SV2A: variants seen among roughly 807,000 people sequenced by gnomAD.
The protein encoded by SV2A is synaptic vesicle glycoprotein 2A, also known as solute carrier family 22 member B1.
A neutral mutation model predicts 78.0 loss-of-function variants in SV2A; 25 were observed. That is an observed-to-expected ratio of 0.32 (90% CI 0.23 to 0.45). The LOEUF is 0.45. Ranked by LOEUF, SV2A falls within the 20% of genes least tolerant of loss-of-function variation. The pLI is 1.00. For synonymous variants in SV2A, 355 were observed against 384.7 expected, an observed-to-expected ratio of 0.92 and a Z score of 0.90; for missense variants, 752 against 971.5, an observed-to-expected ratio of 0.77 and a Z score of 3.00.
intron 8 of SV2A, among the ~76,000 whole-genome samples, chr1:149,908,944 A>G (rs913977322): frequency 4.0e-5 from 6 of 151,898 alleles, no homozygotes; most frequent in African/African-American, 1.5e-4. Context: ...CAAAACATAA[A>G]CTCCAGGAGG....
At chr1:149,909,098 C>T (rs35002905) in intron 8 of SV2A, 94 bp downstream of exon 8, 134,685 of 1,252,758 alleles carry the variant, frequency 0.11, 8,152 homozygotes, top group South Asian at 0.18. Context: ...CTTCCCTCAT[C>T]GCTTGTCCCC....
In SV2A at chr1:149,913,641, C is replaced by T. The variant is rs782641312; in HGVS notation, c.200G>A (p.Arg67Gln). 1.1e-5 allele frequency: 18 copies of T among 1,614,002 alleles called. No homozygotes were observed. Among genetic ancestry groups the T allele is most frequent in the Non-Finnish European group, 1.4e-5 (17 of 1,180,040 alleles). The part of the protein sequence containing the change: ...DFPAPSDGYY[R>Q]GEGTQDEEEG... ...CTCCTCATCCTGGGTCCCTTCTCCT[C>T]GGTAATAACCATCACTGGGAGCAGG... The change falls in exon 2 of 13, where the codon CGA (arginine) becomes CAA (glutamine). Residue 67 changes from arginine to glutamine, a missense_variant. Arg to Gln is a conservative substitution (Grantham distance 43). Around this residue, in one of 7 missense-constraint regions of SV2A, gnomAD observed 291 missense variants for 359.5 expected, o/e 0.81. Transcript: ENST00000369146.
rs587598579 is a variant in SV2A at position 149,904,852 on chromosome 1, G to C, written c.*162C>G. The C allele has an allele frequency of 4.2e-5, 32 of 755,720 alleles. No homozygotes were observed. The African/African-American group carries it at 4.6e-4, about 11-fold the overall frequency. 46.8% of individuals were successfully genotyped at this position (755,720 alleles called of 1,614,324 possible). A position where few individuals can be genotyped will look rare whatever the true frequency, so the allele number is the denominator to read the frequency against. On this transcript the variant is annotated 3_prime_UTR_variant, in exon 13 of 13. Transcript: ENST00000369146. ...CCTTCCCTGTAGTCCCTGCCCACGG[G>C]GTTTACACACATGCACACGCACACG... is the stretch of plus-strand genomic sequence containing the variant.
At position 149,906,871 on chromosome 1, in the gene SV2A, C is replaced by A. The variant is rs587774077; in HGVS notation, c.1679-15G>T. Reference sequence around the variant, plus strand: ...CTCGAACAGGTCTGTGGGCAAAGGCCAAGATAAGCAGGCAGTCATAGCAGA... The same window carrying A: ...CTCGAACAGGTCTGTGGGCAAAGGCAAAGATAAGCAGGCAGTCATAGCAGA... On this transcript the variant is annotated splice_polypyrimidine_tract_variant and intron_variant, in intron 10 of 12. Transcript: ENST00000369146. 95 of 1,613,882 alleles carry A rather than the reference C, an allele frequency of 5.9e-5. No homozygotes were observed. Among genetic ancestry groups the A allele is most frequent in the Admixed American group, 4.8e-4 (29 of 59,992 alleles).
intron 8 of SV2A, 93 bp from the exon 9 acceptor site, chr1:149,908,299 CA>C: frequency 7.0e-7 from 1 of 1,428,948 alleles, no homozygotes; most frequent in Non-Finnish European, 9.6e-7. Context: ...AAATGTGTAT[CA>C]TCTCAGAACA....
At position 149,909,796 on chromosome 1, in the gene SV2A, C is replaced by G. The variant is rs2092463861; in HGVS notation, c.1179+5G>C. The stretch of plus-strand genomic sequence containing the variant: ...GAGGTCTGAGTCGGGAGGGCTGTGG[C>G]TTACTGAGAACACTCGCTCAGGATG... On this transcript the variant is annotated splice_donor_5th_base_variant and intron_variant, in intron 6 of 12. Coordinates refer to ENST00000369146, the MANE Select transcript of SV2A (RefSeq NM_014849.5). 6.2e-7 allele frequency: 1 copy of G among 1,613,362 alleles called. No homozygotes were observed. Among genetic ancestry groups the G allele is most frequent in the African/African-American group, 1.3e-5 (1 of 74,852 alleles).
chr1:149,909,521 C>G lies in SV2A; in HGVS notation c.1230G>C (p.Gln410His). Residue 410 changes from glutamine (Q) to histidine (H), a missense_variant, in exon 7 of 13, where the codon CAG becomes CAC. Transcript: ENST00000369146. ...IHQEDELIEI[Q>H]SDTGTWYQRW... ...GCTGGTACCAGGTCCCTGTGTCCGA[C>G]TGGATCTCAATCAATTCATCCTCCT... The G allele has an allele frequency of 6.2e-7, 1 of 1,614,126 alleles. No individual in the cohort carries two copies. The highest frequency in any genetic ancestry group is 8.5e-7 in the Non-Finnish European group (1 of 1,180,028).
chr1:149,912,796 C>T (rs587750886), intron 2 of SV2A, among the ~76,000 whole-genome samples: 1 of 150,294 alleles, frequency 6.7e-6, no homozygotes, highest in East Asian at 2.0e-4. Flanking sequence ...CCCCCTCCCC[C>T]AACCACCCCA....
At chr1:149,907,569 C>T (rs981769148) in intron 10 of SV2A, 131 bp downstream of exon 10, 68 of 1,141,498 alleles carry the variant, frequency 6.0e-5, no homozygotes, top group African/African-American at 1.6e-5. Flanking sequence ...CTATCAGGCC[C>T]CTCTGCCACC....
intron 12 of SV2A, chr1:149,905,619 T>G: frequency 2.5e-6 from 1 of 395,378 alleles, no homozygotes; most frequent in Non-Finnish European, 4.6e-6. Flanking sequence ...CTTTTTGTAT[T>G]TTTAGTACAG....
intron 3 of SV2A, 128 bp from the exon 4 acceptor site, chr1:149,911,105 C>G: frequency 8.1e-7 from 1 of 1,240,938 alleles, no homozygotes; most frequent in Non-Finnish European, 1.1e-6. Context: ...ACACATAAAG[C>G]CTTACAAGCT....
At chr1:149,911,626 G>A (rs587736677) in intron 3 of SV2A, among the ~76,000 whole-genome samples, 174 bp downstream of exon 3, 2 of 152,260 alleles carry the variant, frequency 1.3e-5, no homozygotes, top group African/African-American at 4.8e-5. Flanking sequence ...ACAGGTCCTG[G>A]GCAGGGAGGA....
At chr1:149,912,180 G>A (rs1396265273) in intron 2 of SV2A, among the ~76,000 whole-genome samples, 200 bp from the exon 3 acceptor site, 1 of 152,160 alleles carries the variant, frequency 6.6e-6, no homozygotes, top group African/African-American at 2.4e-5. Context: ...TTCAAAGGCA[G>A]GAATGAAGAT....
chr1:149,911,793 C>T lies in SV2A; in HGVS notation c.803+7G>A. On this transcript the variant is annotated splice_region_variant and intron_variant, in intron 3 of 12. Transcript: ENST00000369146. The stretch of plus-strand genomic sequence containing the variant: ...GCCCTCAAGGGACTTAGGAAGTGTA[C>T]ACTCACCCAACCCCAGAAAGTAGGC... 6.2e-7 allele frequency: 1 copy of T among 1,613,168 alleles called. No homozygotes were observed. The highest frequency in any genetic ancestry group is 2.2e-5 in the East Asian group (1 of 44,878).
intron 1 of SV2A, among the ~76,000 whole-genome samples, 176 bp downstream of exon 1, chr1:149,917,563 G>A (rs587617124): frequency 8.7e-4 from 132 of 152,160 alleles, no homozygotes; most frequent in African/African-American, 3.0e-3. Context: ...GAGCACAACT[G>A]AAATAAATGT....
rs782731731 is a variant in SV2A, at chr1:149,910,636, G to C, written c.1023C>G (p.Ala341=). 6.2e-7 allele frequency: 1 copy of C among 1,613,802 alleles called. No individual in the cohort carries two copies. Among genetic ancestry groups the C allele is most frequent in the South Asian group, 1.1e-5 (1 of 91,012 alleles). Residue 341 remains alanine (A), a synonymous_variant, in exon 5 of 13, where the codon GCC becomes GCG. Transcript: ENST00000369146. This position sits in a 1 kb window ranked among gnomAD's most constrained non-coding sequence, Gnocchi z 4.2. ...CCCCAATGGCAAACACAGAAGGAAA[G>C]GCGCAGACGAGGACGAAGACCCTCC... The part of the protein sequence containing the change: ...HSWRVFVLVC[A]FPSVFAIGAL...
At chr1:149,912,271 C>A (rs2092480443) in intron 2 of SV2A, among the ~76,000 whole-genome samples, 1 of 152,264 alleles carries the variant, frequency 6.6e-6, no homozygotes, top group African/African-American at 2.4e-5. Context: ...CACCTTTACC[C>A]CTGGCTCACT....
rs782565761 is a variant in SV2A, at chr1:149,908,120, C to T, written c.1466G>A (p.Gly489Glu). The change falls in exon 9 of 13, where the codon GGG becomes GAG. Residue 489 changes from glycine to glutamate, a missense_variant. This residue lies in a region of SV2A where 81 missense variants were observed against 74.2 expected (regional missense o/e 1.09). Coordinates refer to ENST00000369146, the MANE Select transcript of SV2A (RefSeq NM_014849.5). ...DYASRTKVFP[G>E]ERVEHVTFNF... ...AAAAGTTACATGCTCTACGCGCTCC[C>T]CGGGGAACACTTTGGTGCGGGATGC... is the stretch of plus-strand genomic sequence containing the variant. The T allele has an allele frequency of 1.2e-6, 2 of 1,614,092 alleles. No homozygotes were observed. Among genetic ancestry groups the T allele is most frequent in the East Asian group, 2.2e-5 (1 of 44,898 alleles).
In SV2A at chr1:149,908,033, C is replaced by T. The variant is rs1553763030; in HGVS notation, c.1544+9G>A. 6.2e-7 allele frequency: 1 copy of T among 1,612,974 alleles called. No homozygotes were observed. Among genetic ancestry groups the T allele is most frequent in the South Asian group, 1.1e-5 (1 of 90,960 alleles). ...AGGGAAGAAGTGAAGTTTAAAAGTC[C>T]CCACATACTTGTCATTGAAGTACTG... is the stretch of plus-strand genomic sequence containing the variant. On this transcript the variant is annotated intron_variant, in intron 9 of 12. Transcript: ENST00000369146.
Sources: gnomAD v4.1 joint callset for allele counts (sites outside exome capture counted in the v4.1 genomes callset) on GRCh38, gnomAD v4.1.1 for gene constraint, gnomAD v4.1.1 regional missense constraint, Gnocchi (gnomAD v3.1) non-coding constraint, MANE v1.5 for transcripts, NCBI Gene and HGNC (gene_info 2026-07-23, HGNC 2026-07-21) for gene names.